The following MPO variants were observed in gnomAD, a reference collection of about 807,000 sequenced individuals.
MPO encodes the protein myeloperoxidase.
MPO carries 57 observed loss-of-function variants against 69.4 expected under a neutral mutation model. The ratio of observed to expected loss-of-function variants is 0.82; its 90% CI spans 0.66 to 1.02. The LOEUF is 1.02. Ranked by LOEUF, MPO falls within the 50% of genes least tolerant of loss-of-function variation. MPO has a pLI of 0.00. For synonymous variants in MPO, 426 were observed against 417.1 expected, an observed-to-expected ratio of 1.02 and a Z score of -0.26; for missense variants, 971 against 1,014.1, an observed-to-expected ratio of 0.96 and a Z score of 0.58.
chr17:58,278,199 G>A, intron 6 of MPO, 54 bp from the exon 7 acceptor site: 1 of 1,580,672 alleles, frequency 6.3e-7, no homozygotes. Context: ...AAGGTGCCCA[G>A]GCAGAACTGG....
rs567859677 is a variant in MPO, at chr17:58,275,444, A to G, written c.1365+98T>C. ...TTACAGCCTCATGGATGAAGAAGGC[A>G]AGGCTCAGGAGCGTTAGGAACTTGC... On this transcript the variant is annotated intron_variant, in intron 8 of 11. Transcript: ENST00000225275. This position sits in a 1 kb window ranked among gnomAD's most constrained non-coding sequence, Gnocchi z 4.1. 28 of 1,487,522 alleles carry G rather than the reference A, an allele frequency of 1.9e-5. No individual in the cohort carries two copies. The highest frequency in any genetic ancestry group is 2.5e-5 in the Non-Finnish European group (27 of 1,068,992). The allele number at this position is 1,487,522 out of a possible 1,614,324, so 92.1% of individuals were successfully genotyped here.
chr17:58,279,161 C>T lies in MPO; in HGVS notation c.732G>A (p.Pro244=), dbSNP rs368312374. 2 of 1,611,870 alleles carry T rather than the reference C, an allele frequency of 1.2e-6. No homozygotes were observed. Among genetic ancestry groups the T allele is most frequent in the African/African-American group, 1.3e-5 (1 of 74,906 alleles). The stretch of plus-strand genomic sequence containing the variant: ...TGAACATGAGTGAGCGCTCCTGGTC[C>T]GGAGTCAGCTGATCAGTGGGGAAGC... ...IVRFPTDQLT[P]DQERSLMFMQ... Residue 244 remains proline (P), a synonymous_variant, in exon 6 of 12, where the codon CCG becomes CCA. Transcript: ENST00000225275.
intron 8 of MPO, 82 bp from the exon 9 acceptor site, chr17:58,273,751 C>G: frequency 1.9e-6 from 3 of 1,602,570 alleles, no homozygotes; most frequent in Middle Eastern, 1.7e-4. Flanking sequence ...GGGCCAGAGT[C>G]TCTGCCTGCT....
chr17:58,277,606 G>C (rs773349353), intron 7 of MPO, among the ~76,000 whole-genome samples: 1 of 152,190 alleles, frequency 6.6e-6, no homozygotes, highest in Non-Finnish European at 1.5e-5. Flanking sequence ...CCATGCCTGG[G>C]TCTCCATCTT....
Position 58,279,418 on chromosome 17 carries a change from G to A in MPO, c.557C>T (p.Pro186Leu), listed in dbSNP as rs771496919. 3 of 1,610,078 alleles carry A rather than the reference G, an allele frequency of 1.9e-6. No homozygotes were observed. Among genetic ancestry groups the A allele is most frequent in the South Asian group, 1.1e-5 (1 of 90,512 alleles). ...GGCACGGTTGGAGGCCCCCAGCGTG[G>A]GGCTGCGTCTGCAGGGGAGGACAGG... ...ITGMCNNRRSPTLGASNRAFV... is the reference protein window; with the variant it reads ...ITGMCNNRRSLTLGASNRAFV... Residue 186 changes from proline (P) to leucine (L), a missense_variant, in exon 5 of 12, where the codon CCC becomes CTC. Coordinates refer to ENST00000225275, the MANE Select transcript of MPO (RefSeq NM_000250.2).
chr17:58,272,398 C>CTCA (rs1194891466), intron 10 of MPO, among the ~76,000 whole-genome samples: 1 of 152,184 alleles, frequency 6.6e-6, no homozygotes, highest in African/African-American at 2.4e-5. Context: ...CCTCAGTTTC[C>CTCA]TCATCAGTAA....
intron 7 of MPO, among the ~76,000 whole-genome samples, chr17:58,276,788 G>A (rs1475863529): frequency 6.6e-6 from 1 of 152,124 alleles, no homozygotes; most frequent in Non-Finnish European, 1.5e-5. Flanking sequence ...AAGGGCCTGA[G>A]GTCCACTATT....
chr17:58,271,075 T>C (rs1970359903), intron 11 of MPO, among the ~76,000 whole-genome samples: 1 of 152,140 alleles, frequency 6.6e-6, no homozygotes, highest in Non-Finnish European at 1.5e-5. Flanking sequence ...CCCAGTGGCC[T>C]TTCCCTTACC....
Position 58,279,172 on chromosome 17 carries a change from G to C in MPO, c.721C>G (p.Gln241Glu). The change falls in exon 6 of 12, where the codon CAG becomes GAG. Residue 241 changes from glutamine to glutamate, a missense_variant. Physicochemically the swap from Gln to Glu is conservative, Grantham distance 29. Transcript: ENST00000225275. ...GAGCGCTCCTGGTCCGGAGTCAGCT[G>C]ATCAGTGGGGAAGCGCACGATCTCG... ...SNEIVRFPTD[Q>E]LTPDQERSLM... 6.2e-7 allele frequency: 1 copy of C among 1,611,344 alleles called. No individual in the cohort carries two copies. Among genetic ancestry groups the C allele is most frequent in the East Asian group, 2.2e-5 (1 of 44,804 alleles).
chr17:58,279,862 C>A lies in MPO; in HGVS notation c.401G>T (p.Trp134Leu). ...ACCAGTGACATTGAATGGCCTTCGC[C>A]ACAGGGACCGCAGCTTCCTCTCCAG... ...DLLERKLRSL[W>L]RRPFNVTDVL... The change falls in exon 3 of 12, where the codon TGG becomes TTG. Residue 134 changes from tryptophan (W) to leucine (L), a missense_variant. Physicochemically the swap from Trp to Leu is moderately conservative, Grantham distance 61. Transcript: ENST00000225275. 1 of 1,614,072 alleles carries A rather than the reference C, an allele frequency of 6.2e-7. No homozygotes were observed. The highest frequency in any genetic ancestry group is 8.5e-7 in the Non-Finnish European group (1 of 1,180,034).
At chr17:58,274,345 GGAGT>G (rs1196844255) in intron 8 of MPO, 2 of 357,356 alleles carry the variant, frequency 5.6e-6, no homozygotes, top group East Asian at 1.7e-4. Context: ...CCAGAATCTA[GGAGT>G]GTGTGTGTGT....
chr17:58,279,651 C>A lies in MPO; in HGVS notation c.425-5G>T, dbSNP rs371560871. ...GCTGGGCGGGCGTCAGCACATCTGCCGGGGGAAAGAACAATGGGGGAGCTG... is the reference window on the plus strand; with the variant it reads ...GCTGGGCGGGCGTCAGCACATCTGCAGGGGGAAAGAACAATGGGGGAGCTG... On this transcript the variant is annotated splice_polypyrimidine_tract_variant and splice_region_variant and intron_variant, in intron 3 of 11. Coordinates refer to ENST00000225275, the MANE Select transcript of MPO (RefSeq NM_000250.2). 1 of 1,614,054 alleles carries A rather than the reference C, an allele frequency of 6.2e-7. No individual in the cohort carries two copies. The highest frequency in any genetic ancestry group is 1.7e-5 in the Admixed American group (1 of 60,024).
At position 58,279,853 on chromosome 17, in the gene MPO, G is replaced by A. The variant is rs1970491721; in HGVS notation, c.410C>T (p.Pro137Leu). ...ERKLRSLWRRPFNVTDVLTPA... is the reference protein window; with the variant it reads ...ERKLRSLWRRLFNVTDVLTPA... ...GGCAACAGTACCAGTGACATTGAAT[G>A]GCCTTCGCCACAGGGACCGCAGCTT... The change falls in exon 3 of 12, where the codon CCA (proline) becomes CTA (leucine). Residue 137 changes from proline to leucine, a missense_variant. Pro to Leu is a moderately conservative substitution (Grantham distance 98). Coordinates refer to ENST00000225275, the MANE Select transcript of MPO (RefSeq NM_000250.2). The A allele has an allele frequency of 6.2e-7, 1 of 1,613,952 alleles. No individual in the cohort carries two copies. The highest frequency in any genetic ancestry group is 1.7e-5 in the Admixed American group (1 of 60,018).
chr17:58,278,291 G>A, intron 6 of MPO, 146 bp from the exon 7 acceptor site: 1 of 867,600 alleles, frequency 1.2e-6, no homozygotes, highest in South Asian at 1.7e-5. Context: ...GCTGCCTAGG[G>A]CGCCATCAGC....
In MPO at chr17:58,280,403, G is replaced by C; in HGVS notation, c.211C>G (p.Gln71Glu). 6.2e-7 allele frequency: 1 copy of C among 1,614,074 alleles called. No homozygotes were observed. The highest frequency in any genetic ancestry group is 8.5e-7 in the Non-Finnish European group (1 of 1,179,978). Reference protein sequence around the residue: ...LVLSSMEEAKQLVDKAYKERR... With the variant: ...LVLSSMEEAKELVDKAYKERR... ...TCCTTGTAGGCCTTGTCCACCAGCT[G>C]CTTGGCCTCCTCCATGGAGCTCAGC... Residue 71 changes from glutamine (Q) to glutamate (E), a missense_variant, in exon 2 of 12, where the codon CAG becomes GAG. Gln to Glu is a conservative substitution (Grantham distance 29). Coordinates refer to ENST00000225275, the MANE Select transcript of MPO (RefSeq NM_000250.2).
In MPO at chr17:58,275,023, C is replaced by A. The variant is rs1025364645; in HGVS notation, c.1365+519G>T. On this transcript the variant is annotated intron_variant, in intron 8 of 11. Transcript: ENST00000225275. The surrounding 1 kb of genome is among the most constrained non-coding windows in gnomAD (Gnocchi z 4.1). ...GGGACTACAGGTGCCCGCCACCACGCCCGGCTAATTTTTGTATTTTTAGTA... is the reference window on the plus strand; with the variant it reads ...GGGACTACAGGTGCCCGCCACCACGACCGGCTAATTTTTGTATTTTTAGTA... 1.3e-5 allele frequency among the ~76,000 whole-genome samples: 2 copies of A among 151,788 alleles called. No homozygotes were observed. Among genetic ancestry groups the A allele is most frequent in the Non-Finnish European group, 2.9e-5 (2 of 67,894 alleles).
chr17:58,269,985 G>T lies in MPO; in HGVS notation c.*671C>A, dbSNP rs1970347087. 1 of 154,484 alleles carries T rather than the reference G, an allele frequency of 6.5e-6. No homozygotes were observed. The highest frequency in any genetic ancestry group is 2.4e-5 in the African/African-American group (1 of 41,468). The allele number at this position is 154,484 out of a possible 1,614,324, so 9.6% of individuals were successfully genotyped here. Reference sequence around the variant, plus strand: ...ATAAGCAAGAAATCAGGGTGAGGAAGAAAAAGGGGAGCCATGGCCTGAGCC... The same window carrying T: ...ATAAGCAAGAAATCAGGGTGAGGAATAAAAAGGGGAGCCATGGCCTGAGCC... On this transcript the variant is annotated 3_prime_UTR_variant, in exon 12 of 12. Transcript: ENST00000225275.
In MPO at chr17:58,270,833, GCTGA is replaced by G. The variant is rs1344409883; in HGVS notation, c.2057_2060del (p.Phe686SerfsTer50). On this transcript the variant is annotated frameshift_variant, in exon 12 of 12. Transcript: ENST00000225275. LOFTEE classifies it high-confidence loss of function. The surrounding 1 kb of genome is among the most constrained non-coding windows in gnomAD (Gnocchi z 4.1). ...GGGCCAGGGCCTGTCGCTGCTGCAT[GCTGA>G]ACACACCCTCGTTCTCCCACCAAAA... 2 of 1,613,654 alleles carry G rather than the reference GCTGA, an allele frequency of 1.2e-6. No individual in the cohort carries two copies. Among genetic ancestry groups the G allele is most frequent in the Non-Finnish European group, 1.7e-6 (2 of 1,180,036 alleles).
In MPO at chr17:58,278,127, G is replaced by A. The variant is rs1262027089; in HGVS notation, c.904C>T (p.Arg302Cys). The A allele has an allele frequency of 7.5e-6, 12 of 1,601,854 alleles. No homozygotes were observed. Among genetic ancestry groups the A allele is most frequent in the East Asian group, 4.5e-5 (2 of 44,886 alleles). The change falls in exon 7 of 12, where the codon CGC (arginine) becomes TGC (cysteine). Residue 302 changes from arginine (R) to cysteine (C), a missense_variant. By Grantham distance (180) the Arg-to-Cys change is radical (BLOSUM62 -3). Transcript: ENST00000225275. Reference protein sequence around the residue: ...FPLKIPPNDPRIKNQADCIPF... With the variant: ...FPLKIPPNDPCIKNQADCIPF... ...ATGCAGTCGGCTTGGTTCTTGATGC[G>A]GGGGTCATTGGGCGGGATCTGAGGC... is the stretch of plus-strand genomic sequence containing the variant.
Sources: gnomAD v4.1 joint callset for allele counts (sites outside exome capture counted in the v4.1 genomes callset) on GRCh38, gnomAD v4.1.1 for gene constraint, Gnocchi (gnomAD v3.1) non-coding constraint, MANE v1.5 for transcripts, NCBI Gene and HGNC (gene_info 2026-07-23, HGNC 2026-07-21) for gene names.